IPPK: variants seen among roughly 807,000 people sequenced by gnomAD.
The protein encoded by IPPK is IPK1 homolog.
In IPPK, 22 loss-of-function variants were observed where a neutral mutation model predicts 64.6. That is an observed-to-expected ratio of 0.34 (90% CI 0.24 to 0.49). The LOEUF (loss-of-function observed/expected upper bound fraction) is 0.49, where lower values mean the gene tolerates loss of function less well. Among genes scored for constraint, IPPK ranks in the 20% least tolerant of loss-of-function variants. The pLI is 0.99. For missense variants in IPPK, 532 were observed against 630.7 expected (o/e 0.84, Z 1.68); for synonymous variants, 262 against 247.2 (o/e 1.06, Z -0.56).
intron 8 of IPPK, among the ~76,000 whole-genome samples, chr9:92,638,795 G>A (rs1851993502): frequency 6.6e-6 from 1 of 152,216 alleles, no homozygotes; most frequent in Admixed American, 6.5e-5. Flanking sequence ...AGAAGCTGCT[G>A]GCATCACCAG....
intron 1 of IPPK, among the ~76,000 whole-genome samples, chr9:92,662,277 G>C (rs1184234198): frequency 6.6e-6 from 1 of 152,190 alleles, no homozygotes; most frequent in Admixed American, 6.5e-5. Flanking sequence ...TGTAATCCCA[G>C]CACTTTGGGA....
rs1564024199 is a variant in IPPK at position 92,615,724 on chromosome 9, T to C, written c.*108A>G. On this transcript the variant is annotated 3_prime_UTR_variant, in exon 13 of 13. Transcript: ENST00000287996. ...GAGGCAATCCCACCTCAAAAGGGGTTAAAAGCAAAAACATTCACAACCAAA... is the reference window on the plus strand; with the variant it reads ...GAGGCAATCCCACCTCAAAAGGGGTCAAAAGCAAAAACATTCACAACCAAA... The C allele has an allele frequency of 1.1e-6, 1 of 912,912 alleles. No homozygotes were observed. The highest frequency in any genetic ancestry group is 1.6e-5 in the African/African-American group (1 of 60,612). The allele number at this position is 912,912 out of a possible 1,614,324, so 56.6% of individuals were successfully genotyped here.
intron 11 of IPPK, among the ~76,000 whole-genome samples, chr9:92,629,968 GAA>G (rs1326227538): frequency 6.6e-6 from 1 of 152,104 alleles, no homozygotes; most frequent in Non-Finnish European, 1.5e-5. Flanking sequence ...AGCAATTTTG[GAA>G]AAGTCTGCCC....
intron 1 of IPPK, among the ~76,000 whole-genome samples, chr9:92,659,039 G>C (rs959709370): frequency 1.3e-5 from 2 of 152,216 alleles, no homozygotes; most frequent in Admixed American, 1.3e-4. Context: ...TTATAAGAAA[G>C]ATCAGTACTT....
intron 8 of IPPK, among the ~76,000 whole-genome samples, chr9:92,638,568 A>G (rs1851989150): frequency 6.6e-6 from 1 of 152,256 alleles, no homozygotes; most frequent in Admixed American, 6.5e-5. Flanking sequence ...GATCCACAGT[A>G]TATTCAGAAG....
chr9:92,649,520 G>T lies in IPPK; in HGVS notation c.347C>A (p.Pro116His), dbSNP rs753613429. ...GTAGGTTTGGAGTCTGGTTAAATTAGGAAGGCACATAGCGTAACCACTGAG... is the reference window on the plus strand; with the variant it reads ...GTAGGTTTGGAGTCTGGTTAAATTATGAAGGCACATAGCGTAACCACTGAG... ...DTLSGYAMCLPNLTRLQTYRF... is the reference protein window; with the variant it reads ...DTLSGYAMCLHNLTRLQTYRF... Residue 116 changes from proline to histidine, a missense_variant, in exon 5 of 13, where the codon CCT becomes CAT. Pro to His is a moderately conservative substitution (Grantham distance 77, BLOSUM62 -2). Coordinates refer to ENST00000287996, the MANE Select transcript of IPPK (RefSeq NM_022755.6). 6.2e-7 allele frequency: 1 copy of T among 1,614,132 alleles called. No homozygotes were observed. The highest frequency in any genetic ancestry group is 1.1e-5 in the South Asian group (1 of 91,070).
At position 92,634,459 on chromosome 9, in the gene IPPK, T is replaced by C. The variant is rs1851900899; in HGVS notation, c.1097A>G (p.Asp366Gly). 1 of 1,613,958 alleles carries C rather than the reference T, an allele frequency of 6.2e-7. No homozygotes were observed. The highest frequency in any genetic ancestry group is 1.3e-5 in the African/African-American group (1 of 75,036). Residue 366 changes from aspartate to glycine, a missense_variant, in exon 11 of 13, where the codon GAT becomes GGT. Coordinates refer to ENST00000287996, the MANE Select transcript of IPPK (RefSeq NM_022755.6). ...AAGCAGCTTCTGGTAAAATGCTTCATCATAAGGCCCATCTATTTGTAAGGT... is the reference window on the plus strand; with the variant it reads ...AAGCAGCTTCTGGTAAAATGCTTCACCATAAGGCCCATCTATTTGTAAGGT... The part of the protein sequence containing the change: ...RKTLQIDGPY[D>G]EAFYQKLLDL...
Position 92,638,201 on chromosome 9 carries a change from G to T in IPPK, c.716C>A (p.Pro239Gln). 6.2e-7 allele frequency: 1 copy of T among 1,614,254 alleles called. No individual in the cohort carries two copies. Among genetic ancestry groups the T allele is most frequent in the Non-Finnish European group, 8.5e-7 (1 of 1,180,048 alleles). The change falls in exon 9 of 13, where the codon CCG becomes CAG. Residue 239 changes from proline to glutamine, a missense_variant. Physicochemically the swap from Pro to Gln is moderately conservative, Grantham distance 76 (BLOSUM62 -1). Coordinates refer to ENST00000287996, the MANE Select transcript of IPPK (RefSeq NM_022755.6). Reference sequence around the variant, plus strand: ...CAGGCCGTTGGAAGGGAAGAAGAACGGCTTCAGGTGGTGTGCAAGCTCGCT... The same window carrying T: ...CAGGCCGTTGGAAGGGAAGAAGAACTGCTTCAGGTGGTGTGCAAGCTCGCT... ...DWSELAHHLK[P>Q]FFFPSNGLAS...
In IPPK at chr9:92,637,957, C is replaced by A. The variant is rs1448452957; in HGVS notation, c.916+44G>T. 10 of 1,474,854 alleles carry A rather than the reference C, an allele frequency of 6.8e-6. No homozygotes were observed. The South Asian group carries it at 9.6e-5, about 14-fold the overall frequency. 91.4% of individuals were successfully genotyped at this position (1,474,854 alleles called of 1,614,324 possible). Reference sequence around the variant, plus strand: ...CCATGGGGACTGCAGAGTCCCAAGGCCCCTGCGGCCCCCACCGCCTACCTG... The same window carrying A: ...CCATGGGGACTGCAGAGTCCCAAGGACCCTGCGGCCCCCACCGCCTACCTG... On this transcript the variant is annotated intron_variant, in intron 9 of 12. Transcript: ENST00000287996.
In IPPK at chr9:92,632,530, A is replaced by G. The variant is rs555754333; in HGVS notation, c.1170+1856T>C. 4.6e-5 allele frequency among the ~76,000 whole-genome samples: 7 copies of G among 152,398 alleles called. No homozygotes were observed. In the South Asian group the frequency reaches 1.4e-3, roughly 32 times the overall value. On this transcript the variant is annotated intron_variant, in intron 11 of 12. Coordinates refer to ENST00000287996, the MANE Select transcript of IPPK (RefSeq NM_022755.6). ...GGAAAACTGAAAAATACAGAAATAC[A>G]TAAAAAGGAAATAAAGTCCTGTTTC...
chr9:92,641,041 A>T (rs1318620656), intron 7 of IPPK, among the ~76,000 whole-genome samples: 1 of 152,138 alleles, frequency 6.6e-6, no homozygotes. Flanking sequence ...CTGACCCCAG[A>T]CTTTCGGGAG....
chr9:92,641,583 G>A (rs1031226383), intron 7 of IPPK, among the ~76,000 whole-genome samples: 1 of 152,240 alleles, frequency 6.6e-6, no homozygotes, highest in African/African-American at 2.4e-5. Flanking sequence ...TGAGGGCACC[G>A]CCAGACTCGC....
At chr9:92,624,648 AAAAAC>A (rs1276144281) in intron 11 of IPPK, among the ~76,000 whole-genome samples, 2 of 152,212 alleles carry the variant, frequency 1.3e-5, no homozygotes, top group Non-Finnish European at 2.9e-5. Flanking sequence ...AAACAAAAAT[AAAAAC>A]AAAGCCATTT....
intron 11 of IPPK, among the ~76,000 whole-genome samples, chr9:92,633,117 T>C (rs1210660102): frequency 6.6e-6 from 1 of 151,984 alleles, no homozygotes; most frequent in Non-Finnish European, 1.5e-5. Context: ...TTCAAGTGAT[T>C]CTCCTACCTC....
rs753704783 is a variant in IPPK, at chr9:92,635,177, C to T, written c.1048G>A (p.Glu350Lys). The T allele has an allele frequency of 1.2e-6, 2 of 1,613,356 alleles. No individual in the cohort carries two copies. The highest frequency in any genetic ancestry group is 8.5e-7 in the Non-Finnish European group (1 of 1,179,586). ...PLYNRVERYL[E>K]EFPEERKTLQ... ...CCTCACCTCTCCTCGGGAAACTCTT[C>T]CAGGTATCGCTCAACCCGGTTGTAC... Residue 350 changes from glutamate to lysine, a missense_variant, in exon 10 of 13, where the codon GAA becomes AAA. By Grantham distance (56) the Glu-to-Lys change is moderately conservative. Coordinates refer to ENST00000287996, the MANE Select transcript of IPPK (RefSeq NM_022755.6). The surrounding 1 kb of genome is among the most constrained non-coding windows in gnomAD (Gnocchi z 4.4).
At chr9:92,634,808 C>T (rs1008765452) in intron 10 of IPPK, among the ~76,000 whole-genome samples, 2 of 152,202 alleles carry the variant, frequency 1.3e-5, no homozygotes, top group African/African-American at 4.8e-5. Context: ...CCCCAATGAC[C>T]CGCAGTGAAA....
At chr9:92,653,722 G>C (rs911364880) in intron 3 of IPPK, among the ~76,000 whole-genome samples, 1 of 152,168 alleles carries the variant, frequency 6.6e-6, no homozygotes, top group Non-Finnish European at 1.5e-5. Flanking sequence ...GGTGGCGCAC[G>C]CCTGTAGTCC....
At chr9:92,628,774 G>C (rs1419115310) in intron 11 of IPPK, among the ~76,000 whole-genome samples, 1 of 152,182 alleles carries the variant, frequency 6.6e-6, no homozygotes, top group African/African-American at 2.4e-5. Context: ...CTACTTAGGA[G>C]GCTGAGGGAG....
At chr9:92,625,614 C>CCCAA (rs1245234110) in intron 11 of IPPK, among the ~76,000 whole-genome samples, 6 of 152,144 alleles carry the variant, frequency 3.9e-5, no homozygotes, top group Non-Finnish European at 7.3e-5. Flanking sequence ...AAATCCCTAA[C>CCCAA]CCAACCCCCT....
Sources: gnomAD v4.1 joint callset for allele counts (sites outside exome capture counted in the v4.1 genomes callset) on GRCh38, gnomAD v4.1.1 for gene constraint, Gnocchi (gnomAD v3.1) non-coding constraint, MANE v1.5 for transcripts, NCBI Gene and HGNC (gene_info 2026-07-23, HGNC 2026-07-21) for gene names.